The following CYFIP2 variants were observed in gnomAD, a reference collection of about 807,000 sequenced individuals.
CYFIP2 encodes cytoplasmic FMR1-interacting protein 2.
In CYFIP2, 29 loss-of-function variants were observed where a neutral mutation model predicts 158.7. That is an observed-to-expected ratio of 0.18 (90% CI 0.14 to 0.25). The LOEUF is 0.25. CYFIP2 is among the 10% of genes least tolerant of loss of function. The pLI, the probability that CYFIP2 is intolerant of heterozygous loss-of-function variation, is 1.00. For missense variants in CYFIP2, 852 were observed against 1,639.5 expected (o/e 0.52, Z 8.29); for synonymous variants, 585 against 617.6 (o/e 0.95, Z 0.78).
chr5:157,286,876 AG>A (rs1757438045), intron 2 of CYFIP2, 142 bp from the exon 3 acceptor site: 7 of 593,188 alleles, frequency 1.2e-5, no homozygotes. Context: ...TTTGTGGGGA[AG>A]GGGCAAGATG....
chr5:157,389,131 A>C, intron 28 of CYFIP2, 58 bp from the exon 29 acceptor site: 2 of 1,485,482 alleles, frequency 1.3e-6, no homozygotes, highest in Non-Finnish European at 1.8e-6. Context: ...CTGTGGTGGG[A>C]GGTGGCAGAT....
In CYFIP2 at chr5:157,321,824, A is replaced by G. The variant is rs536976141; in HGVS notation, c.1671+1022A>G. Reference sequence around the variant, plus strand: ...CACAGCCCTCTGCTAGTTTGCACCAATCTCACCGGCTGGTTGTAGAACGCC... The same window carrying G: ...CACAGCCCTCTGCTAGTTTGCACCAGTCTCACCGGCTGGTTGTAGAACGCC... On this transcript the variant is annotated intron_variant, in intron 15 of 30. Coordinates refer to ENST00000620254, the MANE Select transcript of CYFIP2 (RefSeq NM_001037333.3). Among the ~76,000 whole-genome samples, 11 of 152,260 alleles carry G rather than the reference A, an allele frequency of 7.2e-5. No homozygotes were observed. In the East Asian group the frequency reaches 2.1e-3, roughly 29 times the overall value.
chr5:157,384,300 C>T lies in CYFIP2; in HGVS notation c.3207+941C>T. Reference sequence around the variant, plus strand: ...ACAAAAGGCATGTGCTATCTCCTTTCAAGTTGATTTCAGCAAGCTTCACAT... The same window carrying T: ...ACAAAAGGCATGTGCTATCTCCTTTTAAGTTGATTTCAGCAAGCTTCACAT... On this transcript the variant is annotated intron_variant, in intron 28 of 30. Coordinates refer to ENST00000620254, the MANE Select transcript of CYFIP2 (RefSeq NM_001037333.3). 1.3e-5 allele frequency: 6 copies of T among 456,730 alleles called. 1 individual carries two copies. Among genetic ancestry groups the T allele is most frequent in the South Asian group, 9.3e-5 (6 of 64,564 alleles). 28.3% of individuals were successfully genotyped at this position (456,730 alleles called of 1,614,324 possible). A position where few individuals can be genotyped will look rare whatever the true frequency, so the allele number is the denominator to read the frequency against.
chr5:157,330,717 C>T (rs1158618806), intron 19 of CYFIP2, 25 bp from the exon 20 acceptor site: 1 of 1,593,894 alleles, frequency 6.3e-7, no homozygotes. Context: ...GTTTACTGGC[C>T]TTGTTTCACT....
At chr5:157,386,605 G>A (rs958208865) in intron 28 of CYFIP2, among the ~76,000 whole-genome samples, 1 of 152,138 alleles carries the variant, frequency 6.6e-6, no homozygotes, top group African/African-American at 2.4e-5. Flanking sequence ...ATGCTCAGCG[G>A]TAGCTCACAC....
chr5:157,377,830 A>T (rs1046469709), intron 26 of CYFIP2, among the ~76,000 whole-genome samples: 1 of 152,226 alleles, frequency 6.6e-6, no homozygotes, highest in Non-Finnish European at 1.5e-5. Flanking sequence ...GGTCCTGCAC[A>T]TGGGTTGTCC....
At chr5:157,316,089 TA>T (rs11359676) in intron 13 of CYFIP2, among the ~76,000 whole-genome samples, 48,603 of 151,560 alleles carry the variant, frequency 0.32, 8,595 homozygotes, top group African/African-American at 0.48. Flanking sequence ...GACTCTGTCT[TA>T]AAAAAAATAA....
rs369031377 is a variant in CYFIP2, at chr5:157,311,628, C to T, written c.993-36C>T. The T allele has an allele frequency of 1.4e-4, 219 of 1,558,014 alleles. No individual in the cohort carries two copies. The highest frequency in any genetic ancestry group is 1.8e-4 in the Non-Finnish European group (210 of 1,149,056). ...GCCTGTTCCACCCAGGCGCCTGAGGCTGGGACCCTCTCCGACCCCATAATT... is the reference window on the plus strand; with the variant it reads ...GCCTGTTCCACCCAGGCGCCTGAGGTTGGGACCCTCTCCGACCCCATAATT... On this transcript the variant is annotated intron_variant, in intron 10 of 30. Transcript: ENST00000620254. This position sits in a 1 kb window ranked among gnomAD's most constrained non-coding sequence, Gnocchi z 4.7.
chr5:157,281,728 A>G (rs1167004940), intron 1 of CYFIP2, among the ~76,000 whole-genome samples: 1 of 152,242 alleles, frequency 6.6e-6, no homozygotes, highest in East Asian at 1.9e-4. Flanking sequence ...TTTTATAAGT[A>G]TGTAAAATGT....
rs750024153 is a variant in CYFIP2, at chr5:157,339,085, G to A, written c.2414G>A (p.Arg805Gln). ...CTGGAGTGGCTGCTGGAGATTAACC[G>A]GCTCACGCATCGGCTGCTCTGTAAG... ...VELEWLLEIN[R>Q]LTHRLLCKHM... Residue 805 changes from arginine (R) to glutamine (Q), a missense_variant, in exon 22 of 31, where the codon CGG (arginine) becomes CAG (glutamine). This residue lies in a region of CYFIP2 where 191 missense variants were observed against 311.2 expected (regional missense o/e 0.61). Coordinates refer to ENST00000620254, the MANE Select transcript of CYFIP2 (RefSeq NM_001037333.3). 27 of 1,612,466 alleles carry A rather than the reference G, an allele frequency of 1.7e-5. No homozygotes were observed. Among genetic ancestry groups the A allele is most frequent in the Admixed American group, 5.0e-5 (3 of 59,838 alleles).
At chr5:157,388,091 A>G (rs1053419583) in intron 28 of CYFIP2, among the ~76,000 whole-genome samples, 6 of 152,324 alleles carry the variant, frequency 3.9e-5, no homozygotes, top group East Asian at 1.9e-4. Context: ...AGCTGATCCC[A>G]TAAGTCCCCT....
intron 26 of CYFIP2, chr5:157,364,211 G>T (rs762837641): frequency 9.8e-5 from 14 of 143,310 alleles, no homozygotes; most frequent in Non-Finnish European, 1.2e-4. Context: ...TGGCGGGGGG[G>T]GGTGGGTCCC....
chr5:157,327,103 A>G (rs1238354057), intron 18 of CYFIP2, among the ~76,000 whole-genome samples: 1 of 152,190 alleles, frequency 6.6e-6, no homozygotes, highest in Non-Finnish European at 1.5e-5. Flanking sequence ...CATTTCTGAA[A>G]TATTTGGTTT....
chr5:157,267,863 A>G (rs972316239), intron 1 of CYFIP2, among the ~76,000 whole-genome samples: 2 of 152,262 alleles, frequency 1.3e-5, no homozygotes, highest in Non-Finnish European at 2.9e-5. Flanking sequence ...AAATGACAAT[A>G]TCTAGCAGCT....
intron 1 of CYFIP2, among the ~76,000 whole-genome samples, chr5:157,272,620 A>G (rs902828261): frequency 2.6e-5 from 4 of 151,920 alleles, no homozygotes; most frequent in East Asian, 1.9e-4. Flanking sequence ...CACGTTGTCT[A>G]TTTACTTCCT....
chr5:157,304,942 A>G (rs796320815), intron 8 of CYFIP2, among the ~76,000 whole-genome samples: 2 of 152,134 alleles, frequency 1.3e-5, no homozygotes, highest in Non-Finnish European at 2.9e-5. Flanking sequence ...AAAGTCTATT[A>G]TATCATTCTT....
rs116745542 is a variant in CYFIP2, at chr5:157,275,388, T to C, written c.-24+9193T>C. Among the ~76,000 whole-genome samples, 1,086 of 152,340 alleles carry C rather than the reference T, an allele frequency of 7.1e-3. 3 individuals are homozygous for C. Among genetic ancestry groups the C allele is most frequent in the Non-Finnish European group, 0.012 (784 of 68,032 alleles). ...AATTTTGCATGTGGGTATCCAGTTG[T>C]CCTAGAATCATTTGTTGAAAAGAAT... On this transcript the variant is annotated intron_variant, in intron 1 of 30. Transcript: ENST00000620254.
chr5:157,384,713 G>T (rs1766485759), intron 28 of CYFIP2: 1 of 348,978 alleles, frequency 2.9e-6, no homozygotes, highest in Non-Finnish European at 5.7e-6. Context: ...GCCGAGGCAG[G>T]CGGATCACCT....
intron 1 of CYFIP2, among the ~76,000 whole-genome samples, chr5:157,272,109 A>G (rs1756148685): frequency 6.6e-6 from 1 of 152,220 alleles, no homozygotes; most frequent in Admixed American, 6.5e-5. Context: ...CAAAATGGCA[A>G]ACGAAGGGGA....
Sources: allele counts gnomAD v4.1 joint callset (sites outside exome capture counted in the v4.1 genomes callset), GRCh38; gene constraint gnomAD v4.1.1; regional missense constraint gnomAD v4.1.1; non-coding constraint Gnocchi (gnomAD v3.1); transcripts MANE v1.5; gene names NCBI Gene and HGNC (gene_info 2026-07-23, HGNC 2026-07-21).